The following ZFAND3 variants were observed in gnomAD, a reference collection of about 807,000 sequenced individuals.
ZFAND3 encodes the protein AN1-type zinc finger protein 3.
A neutral mutation model predicts 29.6 loss-of-function variants in ZFAND3; 10 were observed. The ratio of observed to expected loss-of-function variants is 0.34; its 90% CI spans 0.21 to 0.57. The LOEUF is 0.57. Ranked by LOEUF, ZFAND3 falls within the 20% of genes least tolerant of loss-of-function variation. ZFAND3 has a pLI of 0.86. For missense variants in ZFAND3, 230 were observed against 304.5 expected, an observed-to-expected ratio of 0.76 and a Z score of 1.82; for synonymous variants, 128 against 112.6, an observed-to-expected ratio of 1.14 and a Z score of -0.87.
In ZFAND3 at chr6:37,865,984, C is replaced by T. The variant is rs1317472975; in HGVS notation, c.71+45968C>T. The stretch of plus-strand genomic sequence containing the variant: ...AATGCCATATCTCTGGTGGCAACTC[C>T]TATCTTTTTGCCCCTCACTGCTGTA... On this transcript the variant is annotated intron_variant, in intron 1 of 5. Coordinates refer to ENST00000287218, the MANE Select transcript of ZFAND3 (RefSeq NM_021943.3). 3.3e-5 allele frequency among the ~76,000 whole-genome samples: 5 copies of T among 152,290 alleles called. No individual in the cohort carries two copies. The South Asian group carries it at 8.3e-4, about 25-fold the overall frequency.
chr6:38,063,820 G>C (rs777519804), intron 3 of ZFAND3, among the ~76,000 whole-genome samples: 9 of 152,176 alleles, frequency 5.9e-5, no homozygotes, highest in Admixed American at 1.3e-4. Context: ...TATTATTACA[G>C]TTCTTTGGAG....
chr6:38,097,438 G>T (rs538955461), intron 4 of ZFAND3, among the ~76,000 whole-genome samples: 1 of 152,110 alleles, frequency 6.6e-6, no homozygotes, highest in African/African-American at 2.4e-5. Context: ...TTTACTGGGG[G>T]CTGTGTGTGG....
At chr6:37,913,114 G>A (rs890064001) in intron 1 of ZFAND3, among the ~76,000 whole-genome samples, 1 of 152,192 alleles carries the variant, frequency 6.6e-6, no homozygotes, top group East Asian at 1.9e-4. Flanking sequence ...TGATCAAGGT[G>A]GTGGTTGCTG....
intron 1 of ZFAND3, among the ~76,000 whole-genome samples, chr6:37,855,062 A>G (rs1220994127): frequency 1.5e-5 from 2 of 135,800 alleles, no homozygotes; most frequent in Non-Finnish European, 3.0e-5. Context: ...TCTCTGGGTG[A>G]TCCCCTCTGA....
chr6:37,987,500 C>T (rs567333547), intron 2 of ZFAND3, among the ~76,000 whole-genome samples: 2 of 152,276 alleles, frequency 1.3e-5, no homozygotes, highest in Admixed American at 6.5e-5. Flanking sequence ...GTTAGTGGGA[C>T]TATAAATCTG....
chr6:37,888,662 A>G (rs1169852825), intron 1 of ZFAND3, among the ~76,000 whole-genome samples: 1 of 152,132 alleles, frequency 6.6e-6, no homozygotes, highest in African/African-American at 2.4e-5. Flanking sequence ...TTCCCTGGAT[A>G]TGTTTTACTA....
chr6:38,136,521 C>T (rs909840316), intron 5 of ZFAND3, among the ~76,000 whole-genome samples: 1 of 152,168 alleles, frequency 6.6e-6, no homozygotes, highest in Non-Finnish European at 1.5e-5. Context: ...TACTTTGGGA[C>T]GGCAAGGGAG....
intron 2 of ZFAND3, among the ~76,000 whole-genome samples, chr6:38,035,125 T>G (rs1763633932): frequency 6.6e-6 from 1 of 152,140 alleles, no homozygotes; most frequent in South Asian, 2.1e-4. Context: ...ATGCATGGGA[T>G]TATGGAAGTT....
intron 2 of ZFAND3, among the ~76,000 whole-genome samples, chr6:37,982,252 A>G (rs1207250391): frequency 1.3e-5 from 2 of 151,700 alleles, no homozygotes; most frequent in Admixed American, 1.3e-4. Flanking sequence ...TAGGGATAGA[A>G]TAAGAGTCAG....
intron 1 of ZFAND3, among the ~76,000 whole-genome samples, chr6:37,863,798 T>C (rs777936084): frequency 1.2e-4 from 19 of 152,152 alleles, no homozygotes; most frequent in Non-Finnish European, 2.2e-4. Context: ...TCACATCACA[T>C]TGTTGCTCTA....
chr6:37,939,667 C>G (rs187029438), intron 2 of ZFAND3, among the ~76,000 whole-genome samples: 1 of 152,248 alleles, frequency 6.6e-6, no homozygotes, highest in East Asian at 1.9e-4. Context: ...TTGGAGACTT[C>G]TAGTTTAGAG....
chr6:38,154,595 GA>G lies in ZFAND3; in HGVS notation c.*2216del, dbSNP rs371755552. On this transcript the variant is annotated 3_prime_UTR_variant, in exon 6 of 6. Transcript: ENST00000287218. ...TAACTTTATTCTTTTTTCTCCTGCT[GA>G]AAAAAAAAATTAAACCAATCGTATG... 0.029 allele frequency: 26,985 copies of G among 920,670 alleles called. 364 individuals carry two copies. The highest frequency in any genetic ancestry group is 0.033 in the Non-Finnish European group (25,327 of 772,024). 57.0% of individuals were successfully genotyped at this position (920,670 alleles called of 1,614,324 possible).
intron 2 of ZFAND3, among the ~76,000 whole-genome samples, chr6:38,024,376 G>T (rs1318235159): frequency 1.3e-5 from 2 of 151,812 alleles, no homozygotes; most frequent in Non-Finnish European, 2.9e-5. Flanking sequence ...GGAGGCCGAG[G>T]CAGGAGAATG....
At chr6:37,907,794 C>T (rs781537150) in intron 1 of ZFAND3, among the ~76,000 whole-genome samples, 3 of 152,150 alleles carry the variant, frequency 2.0e-5, no homozygotes, top group Non-Finnish European at 4.4e-5. Flanking sequence ...TTACTCTTCA[C>T]CTAGATTGAC....
intron 2 of ZFAND3, among the ~76,000 whole-genome samples, chr6:38,004,881 G>C (rs917467871): frequency 6.6e-6 from 1 of 152,170 alleles, no homozygotes; most frequent in Non-Finnish European, 1.5e-5. Context: ...GAAAGAGAGT[G>C]GCAGTTCTTT....
Position 38,124,472 on chromosome 6 carries a change from C to T in ZFAND3, c.529+7733C>T, listed in dbSNP as rs147320002. 0.017 allele frequency among the ~76,000 whole-genome samples: 2,539 copies of T among 152,246 alleles called. 249 individuals are homozygous for T. In the East Asian group the frequency reaches 0.28, roughly 17 times the overall value. On this transcript the variant is annotated intron_variant, in intron 5 of 5. Transcript: ENST00000287218. ...GGCATGGCGGGCTGCAGGTCCTGAG[C>T]CCTGCCCTGCCGGGAGGCAGCTAAA... is the stretch of plus-strand genomic sequence containing the variant.
intron 1 of ZFAND3, among the ~76,000 whole-genome samples, chr6:37,908,541 T>TAAAAAAAAAAAA (rs1765452056): frequency 1.7e-5 from 1 of 58,338 alleles, no homozygotes; most frequent in Non-Finnish European, 3.9e-5. Flanking sequence ...AAAAAAAAAA[T>TAAAAAAAAAAAA]TAAAAAAAAA....
intron 1 of ZFAND3, among the ~76,000 whole-genome samples, chr6:37,905,553 G>T (rs1051325673): frequency 6.6e-6 from 1 of 152,130 alleles, no homozygotes; most frequent in Admixed American, 6.5e-5. Flanking sequence ...TTTAGGACTA[G>T]TGCTGACTTT....
chr6:38,033,192 C>A (rs1763594302), intron 2 of ZFAND3, among the ~76,000 whole-genome samples: 1 of 152,150 alleles, frequency 6.6e-6, no homozygotes, highest in Admixed American at 6.5e-5. Context: ...GTAAGAAGAT[C>A]AGAAAGGGGT....
Sources: gnomAD v4.1 joint callset for allele counts (sites outside exome capture counted in the v4.1 genomes callset) on GRCh38, gnomAD v4.1.1 for gene constraint, MANE v1.5 for transcripts, NCBI Gene and HGNC (gene_info 2026-07-23, HGNC 2026-07-21) for gene names.